KIFC3: variants seen among roughly 807,000 people sequenced by gnomAD.
KIFC3 encodes kinesin-like protein KIFC3.
A neutral mutation model predicts 101.8 loss-of-function variants in KIFC3; 60 were observed. That is an observed-to-expected ratio of 0.59 (90% CI 0.48 to 0.73). The LOEUF (loss-of-function observed/expected upper bound fraction) is 0.73. Ranked by LOEUF, KIFC3 falls within the 30% of genes least tolerant of loss-of-function variation. The probability of loss-of-function intolerance (pLI) is 0.00; values close to 1 mark genes in which losing one functional copy is unlikely to be tolerated. For missense variants in KIFC3, 966 were observed against 1,137.1 expected, an observed-to-expected ratio of 0.85 and a Z score of 2.16; for synonymous variants, 476 against 482.7, an observed-to-expected ratio of 0.99 and a Z score of 0.18.
At chr16:57,777,909 A>C (rs2052308340) in intron 3 of KIFC3, among the ~76,000 whole-genome samples, 1 of 152,254 alleles carries the variant, frequency 6.6e-6, no homozygotes, top group African/African-American at 2.4e-5. Flanking sequence ...TCTTTTCAAC[A>C]AATGGTGCTG....
In KIFC3 at chr16:57,777,863, A is replaced by G. The variant is rs1398154096; in HGVS notation, c.316-5575T>C. On this transcript the variant is annotated intron_variant, in intron 3 of 19. Transcript: ENST00000445690. The stretch of plus-strand genomic sequence containing the variant: ...CATATATGGTTAAATGATTTTTGAC[A>G]AGGTTGCCAAGATCATTTAATGTGG... 2.6e-5 allele frequency among the ~76,000 whole-genome samples: 4 copies of G among 152,254 alleles called. No homozygotes were observed. The East Asian group carries it at 5.8e-4, about 22-fold the overall frequency.
intron 3 of KIFC3, chr16:57,785,538 G>C: frequency 2.3e-6 from 3 of 1,289,402 alleles, no homozygotes; most frequent in East Asian, 5.6e-5. Flanking sequence ...AGGACCACCA[G>C]CTCCTCCTGT....
chr16:57,759,406 G>C, intron 18 of KIFC3: 1 of 597,148 alleles, frequency 1.7e-6, no homozygotes, highest in Middle Eastern at 3.8e-4. Flanking sequence ...GGCTGCTCTG[G>C]AGGGGGCTTA....
intron 1 of KIFC3, chr16:57,815,602 A>C: frequency 1.6e-6 from 2 of 1,289,908 alleles, no homozygotes; most frequent in Non-Finnish European, 2.0e-6. Context: ...GGGTGCCCCC[A>C]CATGGCTGCT....
At chr16:57,764,336 G>T in intron 11 of KIFC3, 89 bp from the exon 12 acceptor site, 1 of 736,706 alleles carries the variant, frequency 1.4e-6, no homozygotes, top group Non-Finnish European at 2.3e-6. Context: ...CCCCAACCAT[G>T]CTGTCCTTCA....
intron 3 of KIFC3, chr16:57,777,218 A>G (rs1347234521): frequency 7.9e-5 from 12 of 152,382 alleles, no homozygotes; most frequent in African/African-American, 2.9e-4. Context: ...AAATGGAAAG[A>G]CATTCCATGT....
intron 12 of KIFC3, among the ~76,000 whole-genome samples, chr16:57,763,903 T>C (rs770620408): frequency 2.6e-5 from 4 of 152,146 alleles, no homozygotes; most frequent in African/African-American, 7.2e-5. Context: ...CCTGTGATGA[T>C]AGTCCCCCCT....
chr16:57,847,763 TGTGTGTG>T, intron 1 of KIFC3, among the ~76,000 whole-genome samples: 1 of 68,766 alleles, frequency 1.5e-5, no homozygotes, highest in African/African-American at 6.7e-5. Flanking sequence ...GATGAATTTG[TGTGTGTG>T]TGTGTGTGTG....
chr16:57,781,381 G>A (rs1035581235), intron 3 of KIFC3, among the ~76,000 whole-genome samples: 2 of 152,220 alleles, frequency 1.3e-5, no homozygotes, highest in East Asian at 3.8e-4. Context: ...CAGGAACCTT[G>A]AGGCCATGGC....
chr16:57,777,048 CAACT>C (rs2052186159), intron 3 of KIFC3: 3 of 152,142 alleles, frequency 2.0e-5, no homozygotes, highest in African/African-American at 4.8e-5. Context: ...TACATTTCTA[CAACT>C]AACAATAAAC....
chr16:57,827,123 ATCTC>A (rs1555630914), intron 1 of KIFC3, among the ~76,000 whole-genome samples: 2 of 152,274 alleles, frequency 1.3e-5, no homozygotes, highest in Non-Finnish European at 2.9e-5. Context: ...GGACCCCGTC[ATCTC>A]TCATTCAGGG....
intron 1 of KIFC3, among the ~76,000 whole-genome samples, chr16:57,814,569 T>C (rs1435542657): frequency 1.3e-5 from 2 of 152,146 alleles, no homozygotes; most frequent in Non-Finnish European, 2.9e-5. Context: ...ACTATAATTA[T>C]CCCATGTTAC....
rs2050901209 is a variant in KIFC3, at chr16:57,769,583, G to A, written c.1218+12C>T. The A allele has an allele frequency of 1.2e-6, 2 of 1,605,844 alleles. No individual in the cohort carries two copies. The highest frequency in any genetic ancestry group is 1.1e-5 in the South Asian group (1 of 90,660). On this transcript the variant is annotated intron_variant, in intron 9 of 19. Transcript: ENST00000445690. The surrounding 1 kb of genome is among the most constrained non-coding windows in gnomAD (Gnocchi z 4.3). ...CTTAGCCTGGACCCTCCCACCCACTGCCCTCGCTCACCTCGGCCTTGACAC... is the reference window on the plus strand; with the variant it reads ...CTTAGCCTGGACCCTCCCACCCACTACCCTCGCTCACCTCGGCCTTGACAC...
intron 1 of KIFC3, chr16:57,810,636 T>G (rs1287265969): frequency 1.0e-6 from 1 of 985,240 alleles, no homozygotes; most frequent in Non-Finnish European, 1.2e-6. Context: ...ACAACCAGAA[T>G]GTGCAGGGCC....
chr16:57,816,015 G>A (rs2055214129), intron 1 of KIFC3, among the ~76,000 whole-genome samples: 1 of 152,220 alleles, frequency 6.6e-6, no homozygotes, highest in South Asian at 2.1e-4. Context: ...GTCTTCAGGA[G>A]TGCTGTCCCT....
At chr16:57,850,706 C>A (rs928976545) in intron 1 of KIFC3, among the ~76,000 whole-genome samples, 1 of 151,360 alleles carries the variant, frequency 6.6e-6, no homozygotes, top group Non-Finnish European at 1.5e-5. Context: ...GAACTCCCGA[C>A]CTCAGGTGAC....
At chr16:57,759,050 A>G in intron 19 of KIFC3, 75 bp downstream of exon 19, 1 of 1,540,258 alleles carries the variant, frequency 6.5e-7, no homozygotes, top group Non-Finnish European at 8.8e-7. Flanking sequence ...TGAACAGCAG[A>G]ACGTCCCAGC....
chr16:57,821,504 G>T (rs138460061), intron 1 of KIFC3, among the ~76,000 whole-genome samples: 2 of 152,108 alleles, frequency 1.3e-5, no homozygotes, highest in African/African-American at 4.8e-5. Context: ...CTTGAATTAG[G>T]AGGCAGTGAT....
At position 57,769,573 on chromosome 16, in the gene KIFC3, C is replaced by G. The variant is rs1555605597; in HGVS notation, c.1218+22G>C. On this transcript the variant is annotated intron_variant, in intron 9 of 19. Transcript: ENST00000445690. The surrounding 1 kb of genome is among the most constrained non-coding windows in gnomAD (Gnocchi z 4.3). ...AGTGCACCCCCTTAGCCTGGACCCT[C>G]CCACCCACTGCCCTCGCTCACCTCG... The G allele has an allele frequency of 9.4e-6, 15 of 1,602,016 alleles. 1 individual carries two copies. The highest frequency in any genetic ancestry group is 1.3e-5 in the Non-Finnish European group (15 of 1,176,094).
Sources: gnomAD v4.1 joint callset for allele counts (sites outside exome capture counted in the v4.1 genomes callset) on GRCh38, gnomAD v4.1.1 for gene constraint, Gnocchi (gnomAD v3.1) non-coding constraint, MANE v1.5 for transcripts, NCBI Gene and HGNC (gene_info 2026-07-23, HGNC 2026-07-21) for gene names.